The following TOX2 variants were observed in gnomAD, a reference collection of about 807,000 sequenced individuals.
TOX2 encodes TOX high mobility group box family member 2.
TOX2 carries 15 observed loss-of-function variants against 47.4 expected under a neutral mutation model. The ratio of observed to expected loss-of-function variants is 0.32; its 90% confidence interval spans 0.21 to 0.49. The LOEUF (loss-of-function observed/expected upper bound fraction) is 0.49. TOX2 is among the 20% of genes least tolerant of loss of function. The pLI, the probability that TOX2 is intolerant of heterozygous loss-of-function variation, is 0.99. For missense variants in TOX2, 622 were observed against 673.1 expected (o/e 0.92, Z 0.84); for synonymous variants, 290 against 296.6 (o/e 0.98, Z 0.23).
At chr20:44,048,167 G>C (rs974271952) in intron 3 of TOX2, among the ~76,000 whole-genome samples, 1 of 151,884 alleles carries the variant, frequency 6.6e-6, no homozygotes, top group East Asian at 1.9e-4. Flanking sequence ...AGAGGTTGTG[G>C]TGAGCCGAGA....
intron 3 of TOX2, among the ~76,000 whole-genome samples, chr20:44,025,901 G>T (rs150636397): frequency 1.3e-5 from 2 of 151,986 alleles, no homozygotes; most frequent in African/African-American, 4.8e-5. Context: ...GGGATGTGAG[G>T]ATAAATGAGG....
chr20:43,924,776 T>G (rs1433984927), intron 1 of TOX2, among the ~76,000 whole-genome samples: 1 of 152,232 alleles, frequency 6.6e-6, no homozygotes, highest in Non-Finnish European at 1.5e-5. Flanking sequence ...CTGTTTTATT[T>G]TTTAAAAATT....
chr20:44,031,812 A>AG (rs2071157901), intron 3 of TOX2, among the ~76,000 whole-genome samples: 1 of 151,904 alleles, frequency 6.6e-6, no homozygotes, highest in African/African-American at 2.4e-5. Flanking sequence ...GGGTGAAGGG[A>AG]GGGGGAGGTT....
At chr20:44,036,097 G>A (rs1005891138) in intron 3 of TOX2, among the ~76,000 whole-genome samples, 23 of 152,262 alleles carry the variant, frequency 1.5e-4, no homozygotes, top group African/African-American at 5.5e-4. Context: ...TTCCTGGAGA[G>A]GGTTGCAGCT....
intron 3 of TOX2, among the ~76,000 whole-genome samples, chr20:44,037,499 A>C (rs556698355): frequency 7.2e-5 from 11 of 152,212 alleles, no homozygotes; most frequent in Non-Finnish European, 1.6e-4. Context: ...GAAGACAGGC[A>C]GAATTCTGGC....
At chr20:43,942,044 T>C (rs555973880) in intron 1 of TOX2, among the ~76,000 whole-genome samples, 1 of 152,344 alleles carries the variant, frequency 6.6e-6, no homozygotes, top group Non-Finnish European at 1.5e-5. Flanking sequence ...GACTCCTTGC[T>C]GTGAGCCTCA....
chr20:43,944,308 A>G (rs2069438128), intron 1 of TOX2, among the ~76,000 whole-genome samples: 1 of 152,230 alleles, frequency 6.6e-6, no homozygotes, highest in Non-Finnish European at 1.5e-5. Context: ...CATCAAACAC[A>G]TGAACAGAAA....
chr20:44,051,527 G>A lies in TOX2; in HGVS notation c.633G>A (p.Glu211=). The change falls in exon 4 of 9, where the codon GAG becomes GAA. Residue 211 remains glutamate (E), a synonymous_variant. Transcript: ENST00000341197. Reference sequence around the variant, plus strand: ...CCTCCAGCTCCACTCAGGAAGAGGAGTCGGAAGTGCATTTCAAGGTATGTG... The same window carrying A: ...CCTCCAGCTCCACTCAGGAAGAGGAATCGGAAGTGCATTTCAAGGTATGTG... ...PSPSSSTQEE[E]SEVHFKISGE... is the part of the protein sequence containing the mutation. The A allele has an allele frequency of 6.3e-7, 1 of 1,599,834 alleles. No homozygotes were observed. The highest frequency in any genetic ancestry group is 2.2e-5 in the East Asian group (1 of 44,544).
intron 3 of TOX2, among the ~76,000 whole-genome samples, chr20:44,032,501 G>A (rs2071172208): frequency 6.6e-6 from 1 of 152,194 alleles, no homozygotes; most frequent in Non-Finnish European, 1.5e-5. Flanking sequence ...GAGCAAGTGG[G>A]GGTGGATGTG....
intron 3 of TOX2, among the ~76,000 whole-genome samples, chr20:44,044,029 A>G (rs979795220): frequency 4.6e-5 from 7 of 152,230 alleles, no homozygotes; most frequent in Non-Finnish European, 7.3e-5. Context: ...AACCAACCCA[A>G]ATGTCCATCA....
At chr20:44,028,299 A>AG (rs796998486) in intron 3 of TOX2, among the ~76,000 whole-genome samples, 4 of 141,992 alleles carry the variant, frequency 2.8e-5, no homozygotes, top group East Asian at 4.2e-4. Context: ...GTGGCTGGGC[A>AG]GGGGGGTGAG....
At chr20:43,975,483 G>C (rs557430639) in intron 2 of TOX2, among the ~76,000 whole-genome samples, 1 of 152,186 alleles carries the variant, frequency 6.6e-6, no homozygotes, top group African/African-American at 2.4e-5. Flanking sequence ...AAGGATGTTG[G>C]CTGATTCAAT....
chr20:44,006,484 G>T, intron 2 of TOX2, 63 bp from the exon 3 acceptor site: 1 of 1,546,156 alleles, frequency 6.5e-7, no homozygotes, highest in South Asian at 1.2e-5. Flanking sequence ...TATTGGTGCT[G>T]TTGGGTATGT....
At chr20:44,016,572 C>A (rs538330619) in intron 3 of TOX2, among the ~76,000 whole-genome samples, 2 of 152,248 alleles carry the variant, frequency 1.3e-5, no homozygotes, top group South Asian at 4.1e-4. Context: ...GCATTCCTGG[C>A]CTCTACTCAC....
chr20:44,045,251 TTGA>T (rs2071395075), intron 3 of TOX2, among the ~76,000 whole-genome samples: 1 of 152,164 alleles, frequency 6.6e-6, no homozygotes, highest in Non-Finnish European at 1.5e-5. Context: ...TTAAAAATGG[TTGA>T]TGGTAAATTT....
In TOX2 at chr20:43,915,084, C is replaced by A; in HGVS notation, c.99+94C>A. 4.4e-6 allele frequency: 3 copies of A among 685,848 alleles called. No homozygotes were observed. Among genetic ancestry groups the A allele is most frequent in the African/African-American group, 1.9e-5 (1 of 51,528 alleles). 42.5% of individuals were successfully genotyped at this position (685,848 alleles called of 1,614,324 possible). On this transcript the variant is annotated intron_variant, in intron 1 of 8. Coordinates refer to ENST00000341197, the MANE Select transcript of TOX2 (RefSeq NM_001098797.2). This position sits in a 1 kb window ranked among gnomAD's most constrained non-coding sequence, Gnocchi z 7.1. ...GCTCCCGGGGTCACACGGGGCCGCG[C>A]ACATCAGCCCCGCCGACGGGCACGG...
Position 44,054,357 on chromosome 20 carries a change from A to G in TOX2, c.710A>G (p.Lys237Arg), listed in dbSNP as rs867839104. ...GGAAAAAAGGCCAAGAACCCGAAGAAGAAGAAAAAGAAGGACCCCAATGAG... is the reference window on the plus strand; with the variant it reads ...GGAAAAAAGGCCAAGAACCCGAAGAGGAAGAAAAAGAAGGACCCCAATGAG... ...DPGKKAKNPK[K>R]KKKKDPNEPQ... Residue 237 changes from lysine to arginine, a missense_variant, in exon 5 of 9, where the codon AAG (lysine) becomes AGG (arginine). Transcript: ENST00000341197. 5.6e-6 allele frequency: 9 copies of G among 1,612,160 alleles called. No individual in the cohort carries two copies. The highest frequency in any genetic ancestry group is 1.7e-5 in the Admixed American group (1 of 59,422).
intron 3 of TOX2, among the ~76,000 whole-genome samples, chr20:44,046,305 T>A (rs772719997): frequency 2.0e-5 from 3 of 152,208 alleles, no homozygotes; most frequent in Non-Finnish European, 2.9e-5. Context: ...ATAAATAACT[T>A]CACGTTAGTG....
At position 44,066,111 on chromosome 20, in the gene TOX2, A is replaced by T; in HGVS notation, c.1356+4A>T. 6.5e-7 allele frequency: 1 copy of T among 1,532,090 alleles called. No individual in the cohort carries two copies. 94.9% of individuals were successfully genotyped at this position (1,532,090 alleles called of 1,614,324 possible). A position where few individuals can be genotyped will look rare whatever the true frequency, so the allele number is the denominator to read the frequency against. On this transcript the variant is annotated splice_donor_region_variant and intron_variant, in intron 7 of 8. Coordinates refer to ENST00000341197, the MANE Select transcript of TOX2 (RefSeq NM_001098797.2). ...CCCCTCACCTCCAGGGCCACAGGTA[A>T]GCAGGGAAGAGCAGAACAGCCCTTC...
Sources: allele counts gnomAD v4.1 joint callset (sites outside exome capture counted in the v4.1 genomes callset), GRCh38; gene constraint gnomAD v4.1.1; non-coding constraint Gnocchi (gnomAD v3.1); transcripts MANE v1.5; gene names NCBI Gene and HGNC (gene_info 2026-07-23, HGNC 2026-07-21).